Variants in EXD3 observed in about 807,000 individuals in gnomAD.
EXD3 encodes the protein exonuclease 3'-5' domain containing 3, also known as exonuclease mut-7 homolog.
Under a neutral mutation model 98.0 loss-of-function variants are expected in EXD3, and 92 were observed. The observed-to-expected ratio is 0.94, with a 90% CI of 0.79 to 1.12. The LOEUF (loss-of-function observed/expected upper bound fraction) is 1.12. EXD3 is among the 50% of genes most tolerant of loss of function. The pLI, the probability that EXD3 is intolerant of heterozygous loss-of-function variation, is 0.00. For synonymous variants in EXD3, 569 were observed against 526.0 expected (o/e 1.08, Z -1.12); for missense variants, 1,222 against 1,191.6 (o/e 1.03, Z -0.38).
intron 3 of EXD3, chr9:137,374,902 A>G: frequency 1.0e-6 from 1 of 970,808 alleles, no homozygotes. Flanking sequence ...GGCCCTAGTG[A>G]GATCTAGCTC....
intron 8 of EXD3, among the ~76,000 whole-genome samples, chr9:137,355,506 A>AGGAGGAC (rs1834633315): frequency 2.5e-5 from 2 of 80,628 alleles, no homozygotes; most frequent in African/African-American, 5.5e-5. Context: ...GGAAGGAGGA[A>AGGAGGAC]GGAGGAAGGA....
intron 2 of EXD3, chr9:137,392,851 G>C (rs1030872966): frequency 6.5e-6 from 3 of 460,150 alleles, no homozygotes; most frequent in Non-Finnish European, 1.2e-5. Flanking sequence ...TAGTGTTCCA[G>C]GGGGCACCGA....
In EXD3 at chr9:137,332,583, C is replaced by T. The variant is rs147847165; in HGVS notation, c.1999-8440G>A. ...TATTGGCCAGGCGCAGTGGCTCACG[C>T]CTGTAATCCCAGCACTTTGGGAGGC... On this transcript the variant is annotated intron_variant, in intron 17 of 21. Transcript: ENST00000340951. Among the ~76,000 whole-genome samples, 459 of 151,760 alleles carry T rather than the reference C, an allele frequency of 3.0e-3. 4 individuals are homozygous for T. The highest frequency in any genetic ancestry group is 0.014 in the East Asian group (73 of 5,164).
chr9:137,317,357 G>A (rs2119073739), intron 19 of EXD3, among the ~76,000 whole-genome samples: 1 of 152,266 alleles, frequency 6.6e-6, no homozygotes, highest in Non-Finnish European at 1.5e-5. Context: ...GCACCCCGAG[G>A]ACAGCCTGCC....
chr9:137,404,285 A>G (rs1837615758), intron 1 of EXD3, among the ~76,000 whole-genome samples: 8 of 152,116 alleles, frequency 5.3e-5, no homozygotes, highest in Admixed American at 5.2e-4. Context: ...TCCCCAACAG[A>G]GGCAGAGGCT....
At chr9:137,410,780 G>A (rs1056633178) in intron 1 of EXD3, among the ~76,000 whole-genome samples, 3 of 152,178 alleles carry the variant, frequency 2.0e-5, no homozygotes, top group Non-Finnish European at 2.9e-5. Flanking sequence ...TGGAGGCGAC[G>A]CTGCTGAGGG....
At chr9:137,314,587 GCCCCTGCCCCCTTGC>G (rs1831538569) in intron 19 of EXD3, among the ~76,000 whole-genome samples, 1 of 151,876 alleles carries the variant, frequency 6.6e-6, no homozygotes, top group South Asian at 2.1e-4. Flanking sequence ...GAGAGGCCTC[GCCCCTGCCCCCTTGC>G]CCCCTGTCCC....
rs1441993503 is a variant in EXD3 at position 137,407,802 on chromosome 9, C to T, written c.-47-12398G>A. On this transcript the variant is annotated intron_variant, in intron 1 of 21. Coordinates refer to ENST00000340951, the MANE Select transcript of EXD3 (RefSeq NM_017820.5). The surrounding 1 kb of genome is among the most constrained non-coding windows in gnomAD (Gnocchi z 4.4). ...CCACAGGCATTCGAGGTCTTGGATGCGCCGGCTGGACCCAAGGACACACGC... is the reference window on the plus strand; with the variant it reads ...CCACAGGCATTCGAGGTCTTGGATGTGCCGGCTGGACCCAAGGACACACGC... Among the ~76,000 whole-genome samples, 1 of 149,966 alleles carries T rather than the reference C, an allele frequency of 6.7e-6. No individual in the cohort carries two copies. Among genetic ancestry groups the T allele is most frequent in the Non-Finnish European group, 1.5e-5 (1 of 67,446 alleles).
chr9:137,401,046 T>C (rs1035064260), intron 1 of EXD3, among the ~76,000 whole-genome samples: 7 of 152,092 alleles, frequency 4.6e-5, no homozygotes, highest in Non-Finnish European at 1.0e-4. Flanking sequence ...GTGCAGGCTG[T>C]CGGTGGATCT....
chr9:137,311,778 C>T (rs897991735), intron 19 of EXD3, among the ~76,000 whole-genome samples: 1 of 152,196 alleles, frequency 6.6e-6, no homozygotes, highest in Non-Finnish European at 1.5e-5. Flanking sequence ...GGCCTGGCAG[C>T]GAGGGCCTCC....
At position 137,348,081 on chromosome 9, in the gene EXD3, C is replaced by T. The variant is rs1452888145; in HGVS notation, c.1988G>A (p.Arg663Lys). The T allele has an allele frequency of 2.5e-6, 4 of 1,610,968 alleles. No individual in the cohort carries two copies. Among genetic ancestry groups the T allele is most frequent in the Admixed American group, 3.3e-5 (2 of 59,796 alleles). Residue 663 changes from arginine (R) to lysine (K), a missense_variant, in exon 17 of 22, where the codon AGG becomes AAG. By Grantham distance (26) the Arg-to-Lys change is conservative. Transcript: ENST00000340951. ...RMLGNGEDHR[R>K]AAEVARQEGR... ...TCCCCGCAAACTCACCTCGGCCGCC[C>T]TGCGGTGGTCTTCACCATTGCCCAG...
intron 17 of EXD3, among the ~76,000 whole-genome samples, chr9:137,325,259 G>A (rs1049758975): frequency 6.6e-6 from 1 of 152,148 alleles, no homozygotes; most frequent in Non-Finnish European, 1.5e-5. Flanking sequence ...AACGAGGCCG[G>A]AGCGTCTAGA....
At chr9:137,321,862 C>T (rs921080542) in intron 19 of EXD3, among the ~76,000 whole-genome samples, 53 of 152,166 alleles carry the variant, frequency 3.5e-4, no homozygotes, top group African/African-American at 1.3e-3. Flanking sequence ...GTGTCGCCCA[C>T]GGAGACCCTG....
At position 137,329,953 on chromosome 9, in the gene EXD3, C is replaced by T. The variant is rs1241112943; in HGVS notation, c.1999-5810G>A. Among the ~76,000 whole-genome samples, 5 of 8,688 alleles carry T rather than the reference C, an allele frequency of 5.8e-4. 1 individual carries two copies. Among genetic ancestry groups the T allele is most frequent in the Non-Finnish European group, 9.6e-4 (5 of 5,196 alleles). 5.7% of individuals were successfully genotyped at this position (8,688 alleles called of 152,430 possible). On this transcript the variant is annotated intron_variant, in intron 17 of 21. Coordinates refer to ENST00000340951, the MANE Select transcript of EXD3 (RefSeq NM_017820.5). The stretch of plus-strand genomic sequence containing the variant: ...GACTACACAGGACTATGCAGGACCA[C>T]ACAGGAGCTATACAGGAGCTACACG...
intron 3 of EXD3, among the ~76,000 whole-genome samples, chr9:137,381,438 AAGAC>A (rs1362572293): frequency 6.7e-6 from 1 of 149,624 alleles, no homozygotes; most frequent in African/African-American, 2.5e-5. Context: ...AAAAAAAAAA[AAGAC>A]AGGAACACCC....
chr9:137,381,760 TG>T (rs1453215566), intron 3 of EXD3, among the ~76,000 whole-genome samples: 3 of 152,168 alleles, frequency 2.0e-5, no homozygotes, highest in Non-Finnish European at 4.4e-5. Flanking sequence ...TGCCACCATA[TG>T]GGGGTCCCCA....
rs770910650 is a variant in EXD3, at chr9:137,393,255, T to G, written c.55+2048A>C. ...GGGTGCCTGTGCAGGGAGAGTCAGC[T>G]CTGTGCTGAGGCGAACCCAGGGTCC... On this transcript the variant is annotated intron_variant, in intron 2 of 21. Transcript: ENST00000340951. This position sits in a 1 kb window ranked among gnomAD's most constrained non-coding sequence, Gnocchi z 4.6. The G allele has an allele frequency of 1.4e-6, 1 of 702,266 alleles. No individual in the cohort carries two copies. Among genetic ancestry groups the G allele is most frequent in the Non-Finnish European group, 2.6e-6 (1 of 384,832 alleles). The allele number at this position is 702,266 out of a possible 1,614,324, so 43.5% of individuals were successfully genotyped here.
intron 3 of EXD3, chr9:137,374,568 A>G: frequency 1.0e-6 from 1 of 985,472 alleles, no homozygotes; most frequent in Non-Finnish European, 1.2e-6. Context: ...GCACCTGACA[A>G]ATCTCCCCAC....
intron 19 of EXD3, among the ~76,000 whole-genome samples, chr9:137,317,778 G>A (rs1003583994): frequency 3.9e-5 from 6 of 152,106 alleles, no homozygotes; most frequent in Admixed American, 2.6e-4. Context: ...CCTGGGTGTC[G>A]TGCTAGGCCC....
Sources: allele counts gnomAD v4.1 joint callset (sites outside exome capture counted in the v4.1 genomes callset), GRCh38; gene constraint gnomAD v4.1.1; non-coding constraint Gnocchi (gnomAD v3.1); transcripts MANE v1.5; gene names NCBI Gene and HGNC (gene_info 2026-07-23, HGNC 2026-07-21).